The following ATRN variants were observed in gnomAD, a reference collection of about 807,000 sequenced individuals.
ATRN encodes the protein attractin-2.
A neutral mutation model predicts 178.7 loss-of-function variants in ATRN; 54 were observed. That is an observed-to-expected ratio of 0.30 (90% confidence interval 0.24 to 0.38). The LOEUF is 0.38. Among genes scored for constraint, ATRN ranks in the 10% least tolerant of loss-of-function variants. ATRN has a pLI of 1.00. For missense variants in ATRN, 1,443 were observed against 1,815.1 expected (o/e 0.79, Z 3.73); for synonymous variants, 636 against 663.0 (o/e 0.96, Z 0.63).
In ATRN at chr20:3,572,886, T is replaced by C. The variant is rs1441287660; in HGVS notation, c.2027T>C (p.Ile676Thr). 3 of 1,613,826 alleles carry C rather than the reference T, an allele frequency of 1.9e-6. No homozygotes were observed. In the South Asian group the frequency reaches 3.3e-5, roughly 18 times the overall value. Residue 676 changes from isoleucine to threonine, a missense_variant, in exon 12 of 29, where the codon ATC becomes ACC. Physicochemically the swap from Ile to Thr is moderately conservative, Grantham distance 89. Coordinates refer to ENST00000262919, the MANE Select transcript of ATRN (RefSeq NM_139321.3). ...TGGAACACAGGGTCGTCTCAGTGTA[T>C]CTCGTGGGCGCTGGCAACTGATGAA... Reference protein sequence around the residue: ...CVWNTGSSQCISWALATDEQE... With the variant: ...CVWNTGSSQCTSWALATDEQE...
chr20:3,610,798 G>A (rs1333110346), intron 24 of ATRN, among the ~76,000 whole-genome samples: 3 of 119,618 alleles, frequency 2.5e-5, no homozygotes, highest in Non-Finnish European at 4.9e-5. Flanking sequence ...GTGTTGCCTA[G>A]TCTGGTCTCA....
At chr20:3,601,459 A>G (rs190141426) in intron 23 of ATRN, among the ~76,000 whole-genome samples, 2 of 152,314 alleles carry the variant, frequency 1.3e-5, no homozygotes, top group Admixed American at 6.5e-5. Flanking sequence ...AGATTTTAGT[A>G]GGTACAGAGA....
intron 25 of ATRN, among the ~76,000 whole-genome samples, chr20:3,633,227 T>TG (rs1031279503): frequency 2.0e-5 from 3 of 152,240 alleles, no homozygotes; most frequent in South Asian, 2.1e-4. Flanking sequence ...GTGACGATCC[T>TG]GGGGGGGTTG....
Position 3,593,967 on chromosome 20 carries a change from T to A in ATRN, c.3323-512T>A, listed in dbSNP as rs186291068. Among the ~76,000 whole-genome samples, 306 of 152,270 alleles carry A rather than the reference T, an allele frequency of 2.0e-3. 1 individual carries two copies. The highest frequency in any genetic ancestry group is 7.1e-3 in the African/African-American group (296 of 41,548). ...AAGGGTGGCATGTCCTGAGGGCCCC[T>A]AAAGCGCTGACCTTGGCATTGGATC... On this transcript the variant is annotated intron_variant, in intron 19 of 28. Transcript: ENST00000262919.
chr20:3,600,679 T>C (rs934356753), intron 22 of ATRN, among the ~76,000 whole-genome samples: 6 of 152,134 alleles, frequency 3.9e-5, no homozygotes, highest in Admixed American at 3.9e-4. Context: ...AGGGGTCTTT[T>C]TAAAAGGCAC....
chr20:3,624,508 C>T lies in ATRN; in HGVS notation c.3802-3C>T. On this transcript the variant is annotated splice_region_variant and splice_polypyrimidine_tract_variant and intron_variant, in intron 24 of 28. Coordinates refer to ENST00000262919, the MANE Select transcript of ATRN (RefSeq NM_139321.3). Reference sequence around the variant, plus strand: ...AATCACACTACCTGTTTTTCTGTCACAGATTGCCTTCTCTCAGCACAGCAA... The same window carrying T: ...AATCACACTACCTGTTTTTCTGTCATAGATTGCCTTCTCTCAGCACAGCAA... 6.2e-7 allele frequency: 1 copy of T among 1,613,044 alleles called. No individual in the cohort carries two copies. Among genetic ancestry groups the T allele is most frequent in the Non-Finnish European group, 8.5e-7 (1 of 1,179,212 alleles).
At chr20:3,577,110 A>G (rs754872399) in intron 14 of ATRN, 113 bp downstream of exon 14, 14 of 1,328,560 alleles carry the variant, frequency 1.1e-5, no homozygotes, top group Admixed American at 2.4e-5. Flanking sequence ...AATTCTGTCC[A>G]TTCATCCCCC....
intron 9 of ATRN, 25 bp downstream of exon 9, chr20:3,562,484 A>G (rs763952829): frequency 3.7e-6 from 6 of 1,609,768 alleles, no homozygotes; most frequent in South Asian, 1.1e-5. Context: ...TTGAGCTTTC[A>G]CTTTAAGGTG....
intron 1 of ATRN, among the ~76,000 whole-genome samples, chr20:3,519,771 A>T (rs2085263695): frequency 6.6e-6 from 1 of 152,208 alleles, no homozygotes; most frequent in Non-Finnish European, 1.5e-5. Context: ...AAACGGATGG[A>T]TGTGGCAGTA....
chr20:3,615,006 T>G (rs952392531), intron 24 of ATRN, among the ~76,000 whole-genome samples: 1 of 152,210 alleles, frequency 6.6e-6, no homozygotes, highest in Non-Finnish European at 1.5e-5. Context: ...GTTTATCCAT[T>G]TTTCTATCGA....
chr20:3,543,668 T>C (rs1393964804), intron 3 of ATRN, among the ~76,000 whole-genome samples: 1 of 150,034 alleles, frequency 6.7e-6, no homozygotes, highest in South Asian at 2.1e-4. Context: ...GAGGTTGCGG[T>C]GAGCCGAGAT....
chr20:3,489,282 T>G (rs1339700773), intron 1 of ATRN, among the ~76,000 whole-genome samples: 1 of 152,182 alleles, frequency 6.6e-6, no homozygotes, highest in Admixed American at 6.5e-5. Flanking sequence ...TTTTGTAAAT[T>G]GTATCTTTAA....
At chr20:3,522,842 TAACA>T (rs1163390100) in intron 1 of ATRN, among the ~76,000 whole-genome samples, 1 of 151,734 alleles carries the variant, frequency 6.6e-6, no homozygotes, top group African/African-American at 2.4e-5. Flanking sequence ...GAACAAAAAC[TAACA>T]AACAGAAAGG....
rs947718485 is a variant in ATRN, at chr20:3,544,350, G to A, written c.609-1412G>A. On this transcript the variant is annotated intron_variant, in intron 3 of 28. Transcript: ENST00000262919. ...TGCCATCTGAACAGTGCTGTGGTTC[G>A]CATTCTTGTATATTGGTCATCGTGT... Among the ~76,000 whole-genome samples, 10 of 152,078 alleles carry A rather than the reference G, an allele frequency of 6.6e-5. No homozygotes were observed. In the South Asian group the frequency reaches 8.3e-4, roughly 13 times the overall value.
At chr20:3,624,830 C>T (rs1444529637) in intron 25 of ATRN, among the ~76,000 whole-genome samples, 1 of 152,246 alleles carries the variant, frequency 6.6e-6, no homozygotes, top group African/African-American at 2.4e-5. Flanking sequence ...ATTAATTTTG[C>T]ATGCATCCTA....
intron 1 of ATRN, among the ~76,000 whole-genome samples, chr20:3,520,283 T>C (rs1485214675): frequency 6.6e-6 from 1 of 152,066 alleles, no homozygotes; most frequent in East Asian, 1.9e-4. Flanking sequence ...AGATGTATCT[T>C]AGGAGTCTCA....
chr20:3,596,339 T>C (rs775991330), intron 20 of ATRN, 38 bp from the exon 21 acceptor site: 1 of 1,577,616 alleles, frequency 6.3e-7, no homozygotes, highest in Non-Finnish European at 8.7e-7. Context: ...AGTTTCTGTT[T>C]TAAATAGCAG....
At chr20:3,506,600 G>T (rs1159241145) in intron 1 of ATRN, among the ~76,000 whole-genome samples, 3 of 151,484 alleles carry the variant, frequency 2.0e-5, no homozygotes, top group African/African-American at 7.3e-5. Context: ...ACTCCAGCCT[G>T]GGTGACCAAG....
chr20:3,626,787 T>C (rs1434033859), intron 25 of ATRN, among the ~76,000 whole-genome samples: 2 of 148,932 alleles, frequency 1.3e-5, no homozygotes, highest in Admixed American at 6.7e-5. Flanking sequence ...ATTTCTTTTT[T>C]TTTTTTTTTT....
Sources: allele counts gnomAD v4.1 joint callset (sites outside exome capture counted in the v4.1 genomes callset), GRCh38; gene constraint gnomAD v4.1.1; transcripts MANE v1.5; gene names NCBI Gene and HGNC (gene_info 2026-07-23, HGNC 2026-07-21).